CCL25: variants seen among roughly 807,000 people sequenced by gnomAD.
CCL25 encodes the protein C-C motif chemokine ligand 25.
In CCL25, 14 loss-of-function variants were observed where a neutral mutation model predicts 19.9. The ratio of observed to expected loss-of-function variants is 0.70; its 90% CI spans 0.47 to 1.10. The LOEUF (loss-of-function observed/expected upper bound fraction) is 1.10. Ranked by LOEUF, CCL25 falls within the 50% of genes least tolerant of loss-of-function variation. CCL25 has a pLI of 0.00. For missense variants in CCL25, 151 were observed against 181.2 expected (o/e 0.83, Z 0.96); for synonymous variants, 68 against 73.2 (o/e 0.93, Z 0.36).
chr19:8,052,998 A>C lies in CCL25; in HGVS notation c.-50-2A>C. ...CCTTACCACTTCCCTCCACGACCCC[A>C]GGTGGCCCCGTTATTCGTCCAGGTG... On this transcript the variant is annotated splice_acceptor_variant, in intron 1 of 5. Transcript: ENST00000315626. LOFTEE classifies it low-confidence loss of function (5UTR_SPLICE). 1 of 1,328,342 alleles carries C rather than the reference A, an allele frequency of 7.5e-7. No homozygotes were observed. Among genetic ancestry groups the C allele is most frequent in the Non-Finnish European group, 1.0e-6 (1 of 952,522 alleles). 82.3% of individuals were successfully genotyped at this position (1,328,342 alleles called of 1,614,324 possible). A position where few individuals can be genotyped will look rare whatever the true frequency, so the allele number is the denominator to read the frequency against.
chr19:8,055,700 A>G (rs1474020086), intron 2 of CCL25, among the ~76,000 whole-genome samples: 2 of 151,774 alleles, frequency 1.3e-5, no homozygotes, highest in Non-Finnish European at 2.9e-5. Context: ...CAAACTCCTG[A>G]CCTCAGGTGA....
chr19:8,052,893 A>G, intron 1 of CCL25, 71 bp downstream of exon 1: 1 of 542,984 alleles, frequency 1.8e-6, no homozygotes, highest in Non-Finnish European at 3.3e-6. Context: ...CCTACTTTAT[A>G]CAACCTCCTT....
At position 8,060,434 on chromosome 19, in the gene CCL25, T is replaced by C. The variant is rs146308447; in HGVS notation, c.446-1784T>C. Among the ~76,000 whole-genome samples, 29 of 152,272 alleles carry C rather than the reference T, an allele frequency of 1.9e-4. No individual in the cohort carries two copies. In the East Asian group the frequency reaches 5.2e-3, roughly 27 times the overall value. ...AGGCAAAGACTGGAAGGGACTCAAG[T>C]GTAGAAGCTTCTGTTCCCGTGGAGT... On this transcript the variant is annotated intron_variant, in intron 5 of 5. Transcript: ENST00000315626.
intron 5 of CCL25, among the ~76,000 whole-genome samples, chr19:8,060,039 A>C (rs1412148258): frequency 6.6e-6 from 1 of 152,038 alleles, no homozygotes; most frequent in Non-Finnish European, 1.5e-5. Flanking sequence ...AAGTAAGCCG[A>C]GATCAAGCCA....
At chr19:8,058,524 T>A (rs960909604) in intron 5 of CCL25, among the ~76,000 whole-genome samples, 1 of 112,970 alleles carries the variant, frequency 8.9e-6, no homozygotes, top group Non-Finnish European at 1.7e-5. Flanking sequence ...ATATAATATA[T>A]AAATAATATA....
chr19:8,055,396 C>T (rs1242157261), intron 2 of CCL25, among the ~76,000 whole-genome samples: 2 of 149,380 alleles, frequency 1.3e-5, no homozygotes, highest in South Asian at 2.1e-4. Flanking sequence ...AGTGCAGTGG[C>T]GCGATCTCGG....
intron 5 of CCL25, among the ~76,000 whole-genome samples, chr19:8,059,138 T>A (rs1310847057): frequency 1.4e-3 from 113 of 81,434 alleles, no homozygotes; most frequent in Non-Finnish European, 1.8e-3. Flanking sequence ...TAAATATATA[T>A]TATATAATAT....
intron 5 of CCL25, 136 bp downstream of exon 5, chr19:8,058,056 G>A: frequency 7.1e-7 from 1 of 1,403,658 alleles, no homozygotes; most frequent in Non-Finnish European, 9.4e-7. Flanking sequence ...CAGTGCCGCA[G>A]ATTCACAGGG....
At chr19:8,055,318 C>T (rs1426915580) in intron 2 of CCL25, among the ~76,000 whole-genome samples, 1 of 145,092 alleles carries the variant, frequency 6.9e-6, no homozygotes, top group Non-Finnish European at 1.5e-5. Context: ...CACCACCATG[C>T]CTGGCTAATT....
chr19:8,057,908 T>C lies in CCL25; in HGVS notation c.433T>C (p.Ser145Pro), dbSNP rs961748361. The C allele has an allele frequency of 5.0e-6, 8 of 1,612,096 alleles. No homozygotes were observed. Among genetic ancestry groups the C allele is most frequent in the Middle Eastern group, 1.6e-4 (1 of 6,068 alleles). Residue 145 changes from serine to proline, a missense_variant, in exon 5 of 6, where the codon TCA becomes CCA. Ser to Pro is a moderately conservative substitution (Grantham distance 74, BLOSUM62 -1). Transcript: ENST00000315626. ...TAAGAGGAATGTCTCCCTCCTGATA[T>C]CAGCTAATTCAGGTAAGGACTCTTG... ...SSKRNVSLLI[S>P]ANSGL
chr19:8,056,278 G>T lies in CCL25; in HGVS notation c.191+9G>T. 6.3e-7 allele frequency: 1 copy of T among 1,588,536 alleles called. No individual in the cohort carries two copies. Among genetic ancestry groups the T allele is most frequent in the Non-Finnish European group, 8.6e-7 (1 of 1,162,606 alleles). ...AATCTGCCTGCTGCGATGTGAGTGG[G>T]GCCGTGGGGGCTGGGGGGGTGGGGT... On this transcript the variant is annotated intron_variant, in intron 3 of 5. Transcript: ENST00000315626.
At chr19:8,058,752 G>A (rs1364279087) in intron 5 of CCL25, among the ~76,000 whole-genome samples, 24 of 138,990 alleles carry the variant, frequency 1.7e-4, no homozygotes, top group African/African-American at 6.0e-4. Context: ...TCCACCTTCC[G>A]GGTTCACGCC....
chr19:8,062,200 C>T lies in CCL25; in HGVS notation c.446-18C>T. 1 of 1,612,768 alleles carries T rather than the reference C, an allele frequency of 6.2e-7. No individual in the cohort carries two copies. Among genetic ancestry groups the T allele is most frequent in the Non-Finnish European group, 8.5e-7 (1 of 1,179,892 alleles). Reference sequence around the variant, plus strand: ...ACAGCCGTCAATTTTACTTCGGCCTCTCTCATTGCTTCTGCAGGACTGTGA... The same window carrying T: ...ACAGCCGTCAATTTTACTTCGGCCTTTCTCATTGCTTCTGCAGGACTGTGA... On this transcript the variant is annotated intron_variant, in intron 5 of 5. Transcript: ENST00000315626.
At chr19:8,059,169 T>TATATA (rs2081301253) in intron 5 of CCL25, among the ~76,000 whole-genome samples, 2 of 78,234 alleles carry the variant, frequency 2.6e-5, no homozygotes, top group African/African-American at 9.8e-5. Flanking sequence ...TAATATATAA[T>TATATA]ATATATAATA....
Position 8,057,933 on chromosome 19 carries a change from G to C in CCL25, c.445+13G>C, listed in dbSNP as rs549968783. ...TCAGCTAATTCAGGTAAGGACTCTT[G>C]GTCATGTGACTGTCTCCCATCCATC... On this transcript the variant is annotated intron_variant, in intron 5 of 5. Transcript: ENST00000315626. The C allele has an allele frequency of 1.2e-6, 2 of 1,608,956 alleles. No homozygotes were observed. Among genetic ancestry groups the C allele is most frequent in the East Asian group, 4.5e-5 (2 of 44,662 alleles).
Position 8,057,902 on chromosome 19 carries a change from C to G in CCL25, c.427C>G (p.Leu143Val). 6 of 1,612,694 alleles carry G rather than the reference C, an allele frequency of 3.7e-6. No individual in the cohort carries two copies. Among genetic ancestry groups the G allele is most frequent in the Non-Finnish European group, 5.1e-6 (6 of 1,179,018 alleles). Residue 143 changes from leucine (L) to valine (V), a missense_variant, in exon 5 of 6, where the codon CTG becomes GTG. Physicochemically the swap from Leu to Val is conservative, Grantham distance 32. Coordinates refer to ENST00000315626, the MANE Select transcript of CCL25 (RefSeq NM_005624.4). ...CAGCAGTAAGAGGAATGTCTCCCTC[C>G]TGATATCAGCTAATTCAGGTAAGGA... The part of the protein sequence containing the change: ...ISSSKRNVSL[L>V]ISANSGL
chr19:8,058,721 C>T (rs12460378), intron 5 of CCL25, among the ~76,000 whole-genome samples: 83,164 of 136,352 alleles, frequency 0.61, 25,907 homozygotes, highest in South Asian at 0.78. Flanking sequence ...TGCAGTGGCG[C>T]GATCTTGGCT....
At chr19:8,056,646 G>C in intron 4 of CCL25, 147 bp downstream of exon 4, 2 of 869,628 alleles carry the variant, frequency 2.3e-6, no homozygotes, top group Non-Finnish European at 3.5e-6. Flanking sequence ...TGGTGAGTGG[G>C]GCACCAAGTG....
At chr19:8,058,119 C>A (rs1216043053) in intron 5 of CCL25, among the ~76,000 whole-genome samples, 199 bp downstream of exon 5, 2 of 151,718 alleles carry the variant, frequency 1.3e-5, no homozygotes, top group African/African-American at 2.4e-5. Context: ...GACACCACAG[C>A]AAGTGAGAAA....
Sources: allele counts gnomAD v4.1 joint callset (sites outside exome capture counted in the v4.1 genomes callset), GRCh38; gene constraint gnomAD v4.1.1; transcripts MANE v1.5; gene names NCBI Gene and HGNC (gene_info 2026-07-23, HGNC 2026-07-21).